The following LRRC37A variants were observed in gnomAD, a reference collection of about 807,000 sequenced individuals.
LRRC37A encodes leucine rich repeat containing 37A, also known as leucine-rich repeat-containing protein 37A.
LRRC37A carries 3 observed loss-of-function variants against 35.4 expected under a neutral mutation model. The ratio of observed to expected loss-of-function variants is 0.08; its 90% CI spans 0.04 to 0.22. The LOEUF (loss-of-function observed/expected upper bound fraction) is 0.22, where lower values mean the gene tolerates loss of function less well. Ranked by LOEUF, LRRC37A falls within the 10% of genes least tolerant of loss-of-function variation. The pLI, the probability that LRRC37A is intolerant of heterozygous loss-of-function variation, is 1.00. For missense variants in LRRC37A, 67 were observed against 565.3 expected (o/e 0.12, Z 8.94); for synonymous variants, 23 against 215.0 (o/e 0.11, Z 7.81).
At chr17:46,276,790 C>CTTTTTTTTTTTTTTT in the LRRC37A span, among the ~76,000 whole-genome samples, 41 of 134,262 alleles carry the variant, frequency 3.1e-4, no homozygotes, top group Non-Finnish European at 4.2e-4. Flanking sequence ...TTCTTTTTTT[C>CTTTTTTTTTTTTTTT]TTTTTTTTTT....
the LRRC37A span, among the ~76,000 whole-genome samples, chr17:46,274,573 A>G: frequency 6.6e-6 from 1 of 152,376 alleles, no homozygotes; most frequent in East Asian, 1.9e-4. Flanking sequence ...TGGATGGATT[A>G]TATGTAACCG....
upstream of LRRC37A, among the ~76,000 whole-genome samples, chr17:46,288,726 C>G (rs1473661372): frequency 7.5e-6 from 1 of 133,962 alleles, no homozygotes; most frequent in Non-Finnish European, 1.7e-5. Context: ...TTTTTTGAGA[C>G]TGGGTCTCAC....
At chr17:46,335,025 TGTC>T (rs1431176383) in intron 10 of LRRC37A, among the ~76,000 whole-genome samples, 2 of 37,410 alleles carry the variant, frequency 5.3e-5, no homozygotes, top group Non-Finnish European at 8.1e-4. Context: ...AGTGAGACCT[TGTC>T]TTTATTAAAA....
the LRRC37A span, among the ~76,000 whole-genome samples, chr17:46,258,009 T>C: frequency 6.6e-6 from 1 of 152,102 alleles, no homozygotes; most frequent in South Asian, 2.1e-4. Flanking sequence ...TGGGAGAAAA[T>C]ATGCATTCAA....
At chr17:46,321,218 T>TG (rs1446676870) in intron 5 of LRRC37A, among the ~76,000 whole-genome samples, 1 of 52,912 alleles carries the variant, frequency 1.9e-5, no homozygotes, top group Non-Finnish European at 2.9e-5. Context: ...TGACAGGGCA[T>TG]GGTGGCAGGC....
At chr17:46,263,336 G>T in the LRRC37A span, among the ~76,000 whole-genome samples, 3 of 150,822 alleles carry the variant, frequency 2.0e-5, no homozygotes, top group African/African-American at 7.3e-5. Flanking sequence ...CAGATTACTT[G>T]GCCCAGGAGT....
chr17:46,263,662 CT>C, the LRRC37A span, among the ~76,000 whole-genome samples: 1 of 151,566 alleles, frequency 6.6e-6, no homozygotes, highest in Non-Finnish European at 1.5e-5. Flanking sequence ...TGAGACCAGC[CT>C]GACCAACATG....
chr17:46,284,042 G>A, the LRRC37A span, among the ~76,000 whole-genome samples: 1 of 152,198 alleles, frequency 6.6e-6, no homozygotes. Context: ...CATACAATCG[G>A]GTTTTATACC....
At chr17:46,254,618 T>C in the LRRC37A span, among the ~76,000 whole-genome samples, 2 of 151,670 alleles carry the variant, frequency 1.3e-5, no homozygotes, top group African/African-American at 2.4e-5. Flanking sequence ...CTTGGCTCAC[T>C]GCAACCTCCA....
chr17:46,274,512 A>G, the LRRC37A span, among the ~76,000 whole-genome samples: 1 of 152,240 alleles, frequency 6.6e-6, no homozygotes, highest in South Asian at 2.1e-4. Flanking sequence ...GAAAGAAAAG[A>G]CATCTAGAGG....
chr17:46,285,655 C>T, the LRRC37A span, among the ~76,000 whole-genome samples: 10,857 of 138,772 alleles, frequency 0.078, no homozygotes, highest in Non-Finnish European at 0.12. Context: ...AAGTGAGTCA[C>T]GTTAGATTAT....
the LRRC37A span, among the ~76,000 whole-genome samples, chr17:46,249,696 A>G: frequency 1.3e-5 from 2 of 152,220 alleles, no homozygotes; most frequent in Non-Finnish European, 2.9e-5. Flanking sequence ...GGGGAGCTGT[A>G]GGACCAGGTT....
chr17:46,271,332 A>ATTTTTTTTTTTTTTT, the LRRC37A span, among the ~76,000 whole-genome samples: 35 of 125,634 alleles, frequency 2.8e-4, no homozygotes, highest in East Asian at 8.0e-4. Context: ...TACCTAGCTA[A>ATTTTTTTTTTTTTTT]TTTTTTTTTT....
chr17:46,312,934 C>T (rs2050879966), intron 5 of LRRC37A, among the ~76,000 whole-genome samples: 2 of 105,382 alleles, frequency 1.9e-5, no homozygotes, highest in African/African-American at 7.2e-5. Context: ...CTGACTCACT[C>T]TGATCTTGGT....
At chr17:46,286,824 G>C in the LRRC37A span, among the ~76,000 whole-genome samples, 1 of 152,260 alleles carries the variant, frequency 6.6e-6, no homozygotes, top group Admixed American at 6.5e-5. Flanking sequence ...TGCAGATACA[G>C]TACAATTCCT....
At chr17:46,267,086 G>C in the LRRC37A span, 1 of 360,644 alleles carries the variant, frequency 2.8e-6, no homozygotes, top group Non-Finnish European at 4.8e-6. Context: ...GCCCGGCGCC[G>C]AGCTCTGCGC....
intron 5 of LRRC37A, among the ~76,000 whole-genome samples, chr17:46,316,547 C>T (rs1324774140): frequency 9.5e-5 from 6 of 63,158 alleles, no homozygotes; most frequent in Non-Finnish European, 2.7e-4. Flanking sequence ...GCAATGCTGT[C>T]ACCTCAGCCT....
At chr17:46,316,861 T>G (rs2051156969) in intron 5 of LRRC37A, among the ~76,000 whole-genome samples, 3 of 102,460 alleles carry the variant, frequency 2.9e-5, no homozygotes, top group African/African-American at 9.7e-5. Flanking sequence ...AAAGCACATC[T>G]TGCACCGCCC....
At chr17:46,271,182 T>TTTTTC in the LRRC37A span, among the ~76,000 whole-genome samples, 1 of 149,682 alleles carries the variant, frequency 6.7e-6, no homozygotes. Flanking sequence ...TTTTTTTTTT[T>TTTTTC]GAGAAGGAGT....
Sources: gnomAD v4.1 joint callset for allele counts (sites outside exome capture counted in the v4.1 genomes callset) on GRCh38, gnomAD v4.1.1 for gene constraint, MANE v1.5 for transcripts, NCBI Gene and HGNC (gene_info 2026-07-23, HGNC 2026-07-21) for gene names.